Variants in CRPPA observed in about 807,000 individuals in gnomAD.
The protein encoded by CRPPA is CDP-L-ribitol pyrophosphorylase A.
CRPPA carries 43 observed loss-of-function variants against 52.0 expected under a neutral mutation model. The observed-to-expected ratio is 0.83, with a 90% CI of 0.65 to 1.07. The LOEUF is 1.07. Among genes scored for constraint, CRPPA ranks in the 50% least tolerant of loss-of-function variants. CRPPA has a pLI of 0.00. For missense variants in CRPPA, 629 were observed against 551.7 expected, an observed-to-expected ratio of 1.14 and a Z score of -1.40; for synonymous variants, 250 against 203.5, an observed-to-expected ratio of 1.23 and a Z score of -1.94.
Position 16,352,987 on chromosome 7 carries a change from C to T in CRPPA, c.684+23105G>A, listed in dbSNP as rs145611140. 2.8e-3 allele frequency among the ~76,000 whole-genome samples: 426 copies of T among 151,640 alleles called. 5 individuals are homozygous for T. Among genetic ancestry groups the T allele is most frequent in the African/African-American group, 0.01 (418 of 41,304 alleles). On this transcript the variant is annotated intron_variant, in intron 3 of 9. Coordinates refer to ENST00000407010, the MANE Select transcript of CRPPA (RefSeq NM_001101426.4). ...TGTCATTAGCAAGAATACGGATGAA[C>T]CTAGAAGACATTTTGCTAAGTAAAA...
chr7:16,187,081 G>A (rs1013423398), intron 9 of CRPPA, among the ~76,000 whole-genome samples: 1 of 152,092 alleles, frequency 6.6e-6, no homozygotes, highest in East Asian at 1.9e-4. Context: ...AAAGTCTCAT[G>A]TATGCTTCAT....
rs1562608294 is a variant in CRPPA, at chr7:16,286,036, AAAATATAAATATATATAT to A, written c.836-7828_836-7811del. Among the ~76,000 whole-genome samples, 119 of 18,772 alleles carry A rather than the reference AAAATATAAATATATATAT, an allele frequency of 6.3e-3. 1 individual carries two copies. Among genetic ancestry groups the A allele is most frequent in the Non-Finnish European group, 9.5e-3 (96 of 10,130 alleles). 12.3% of individuals were successfully genotyped at this position (18,772 alleles called of 152,430 possible). On this transcript the variant is annotated intron_variant, in intron 5 of 9. Coordinates refer to ENST00000407010, the MANE Select transcript of CRPPA (RefSeq NM_001101426.4). ...ACTCCATCTCAAAAAAAAAAAAAAA[AAAATATAAATATATATAT>A]ATATATATATATATATATATATATA...
At chr7:16,309,127 T>C (rs1784980809) in intron 3 of CRPPA, among the ~76,000 whole-genome samples, 1 of 152,194 alleles carries the variant, frequency 6.6e-6, no homozygotes, top group African/African-American at 2.4e-5. Flanking sequence ...ATTTTGTTTA[T>C]AAACATGGAA....
rs1214260512 is a variant in CRPPA at position 16,216,153 on chromosome 7, C to A, written c.1164G>T (p.Met388Ile). The change falls in exon 9 of 10, where the codon ATG (methionine) becomes ATT (isoleucine). Residue 388 changes from methionine to isoleucine, a missense_variant. Transcript: ENST00000407010. ...ATTCTCTAATCTGCATTAGGTTTTC[C>A]ATTTTCTGACTGGGAGGTACTAATT... ...DFKLVPPSQK[M>I]ENLMQIREFA... 2 of 1,594,552 alleles carry A rather than the reference C, an allele frequency of 1.3e-6. No homozygotes were observed. Among genetic ancestry groups the A allele is most frequent in the Non-Finnish European group, 1.7e-6 (2 of 1,165,324 alleles).
At chr7:16,119,629 G>A (rs912273435) in intron 9 of CRPPA, among the ~76,000 whole-genome samples, 8 of 152,110 alleles carry the variant, frequency 5.3e-5, no homozygotes, top group East Asian at 1.9e-4. Context: ...AAGTCTGAAC[G>A]TAATTTAAAA....
At chr7:16,379,205 T>C (rs895586268) in intron 2 of CRPPA, among the ~76,000 whole-genome samples, 18 of 152,360 alleles carry the variant, frequency 1.2e-4, no homozygotes, top group Non-Finnish European at 2.6e-4. Context: ...TGAATGGTAA[T>C]GCCTAGGTTT....
chr7:16,353,081 C>A (rs1338119302), intron 3 of CRPPA, among the ~76,000 whole-genome samples: 1 of 152,076 alleles, frequency 6.6e-6, no homozygotes, highest in Non-Finnish European at 1.5e-5. Context: ...GTTGGCCAGG[C>A]GTGGTGGCTC....
intron 3 of CRPPA, among the ~76,000 whole-genome samples, chr7:16,353,082 G>C (rs1440031678): frequency 3.9e-5 from 6 of 152,102 alleles, no homozygotes. Flanking sequence ...TTGGCCAGGC[G>C]TGGTGGCTCA....
intron 1 of CRPPA, among the ~76,000 whole-genome samples, chr7:16,412,009 A>G (rs2128319403): frequency 6.6e-6 from 1 of 152,332 alleles, no homozygotes; most frequent in African/African-American, 2.4e-5. Flanking sequence ...CATTTGACAT[A>G]AAGTAGTCAT....
rs570031003 is a variant in CRPPA at position 16,267,249 on chromosome 7, T to C, written c.934-8237A>G. Among the ~76,000 whole-genome samples the C allele has an allele frequency of 2.0e-5, 3 of 152,356 alleles. No homozygotes were observed. In the East Asian group the frequency reaches 5.8e-4, roughly 29 times the overall value. On this transcript the variant is annotated intron_variant, in intron 6 of 9. Coordinates refer to ENST00000407010, the MANE Select transcript of CRPPA (RefSeq NM_001101426.4). ...CCATGTCAATGACTAGACAGGTTTC[T>C]GCCCTTAAGAAGTTTATAGCCTAAT...
intron 2 of CRPPA, among the ~76,000 whole-genome samples, chr7:16,401,978 T>C (rs977224981): frequency 2.6e-5 from 4 of 152,184 alleles, no homozygotes; most frequent in Admixed American, 2.0e-4. Flanking sequence ...AGAAATAAGA[T>C]GGCAGAGATG....
chr7:16,221,240 A>G (rs1208058863), intron 8 of CRPPA, among the ~76,000 whole-genome samples: 2 of 152,230 alleles, frequency 1.3e-5, no homozygotes, highest in Non-Finnish European at 2.9e-5. Flanking sequence ...CTGGCTAGCC[A>G]TATGTAGAAA....
Position 16,199,956 on chromosome 7 carries a change from C to A in CRPPA, c.1251+16110G>T, listed in dbSNP as rs1334939546. Among the ~76,000 whole-genome samples, 4 of 148,146 alleles carry A rather than the reference C, an allele frequency of 2.7e-5. No individual in the cohort carries two copies. The East Asian group carries it at 7.9e-4, about 29-fold the overall frequency. On this transcript the variant is annotated intron_variant, in intron 9 of 9. Coordinates refer to ENST00000407010, the MANE Select transcript of CRPPA (RefSeq NM_001101426.4). Reference sequence around the variant, plus strand: ...CACTGCAAGCTCTCCCTCCTGGTTTCCAGTGATTCTCCTGCCTCTGCCTGC... The same window carrying A: ...CACTGCAAGCTCTCCCTCCTGGTTTACAGTGATTCTCCTGCCTCTGCCTGC...
At chr7:16,400,226 G>A (rs1020850909) in intron 2 of CRPPA, among the ~76,000 whole-genome samples, 5 of 111,084 alleles carry the variant, frequency 4.5e-5, no homozygotes, top group African/African-American at 1.7e-4. Flanking sequence ...CCAACACGTG[G>A]CTGACACAAG....
At chr7:16,409,016 C>T (rs959539699) in intron 1 of CRPPA, among the ~76,000 whole-genome samples, 2 of 152,194 alleles carry the variant, frequency 1.3e-5, no homozygotes, top group African/African-American at 4.8e-5. Context: ...ATTCTCCTGC[C>T]TCAGCCTCCC....
chr7:16,281,342 G>A (rs749327902), intron 5 of CRPPA, among the ~76,000 whole-genome samples: 1 of 151,958 alleles, frequency 6.6e-6, no homozygotes, highest in Non-Finnish European at 1.5e-5. Flanking sequence ...CCTATTTGTT[G>A]TTATGTATAA....
At chr7:16,300,034 C>T (rs866426023) in intron 5 of CRPPA, among the ~76,000 whole-genome samples, 4 of 152,164 alleles carry the variant, frequency 2.6e-5, no homozygotes, top group Non-Finnish European at 4.4e-5. Flanking sequence ...CATCATTCAG[C>T]CGACTTTTCC....
chr7:16,270,817 CTG>C (rs1240706686), intron 6 of CRPPA, among the ~76,000 whole-genome samples: 1 of 151,990 alleles, frequency 6.6e-6, no homozygotes, highest in African/African-American at 2.4e-5. Flanking sequence ...CATAAAATAA[CTG>C]TTTTGGATAG....
At chr7:16,371,529 A>G (rs1442244878) in intron 3 of CRPPA, among the ~76,000 whole-genome samples, 1 of 152,132 alleles carries the variant, frequency 6.6e-6, no homozygotes, top group Non-Finnish European at 1.5e-5. Flanking sequence ...AAAGGGGAAA[A>G]AAATAAATTA....
Sources: gnomAD v4.1 joint callset for allele counts (sites outside exome capture counted in the v4.1 genomes callset) on GRCh38, gnomAD v4.1.1 for gene constraint, MANE v1.5 for transcripts, NCBI Gene and HGNC (gene_info 2026-07-23, HGNC 2026-07-21) for gene names.